KCNQ5: variants seen among roughly 807,000 people sequenced by gnomAD.
KCNQ5 encodes the protein potassium voltage-gated channel subfamily KQT member 5.
Under a neutral mutation model 98.2 loss-of-function variants are expected in KCNQ5, and 30 were observed. That is an observed-to-expected ratio of 0.31 (90% CI 0.23 to 0.41). The LOEUF (loss-of-function observed/expected upper bound fraction) is 0.41. Ranked by LOEUF, KCNQ5 falls within the 10% of genes least tolerant of loss-of-function variation. KCNQ5 has a pLI of 1.00. For synonymous variants in KCNQ5, 458 were observed against 449.4 expected, an observed-to-expected ratio of 1.02 and a Z score of -0.24; for missense variants, 835 against 1,182.5, an observed-to-expected ratio of 0.71 and a Z score of 4.31.
intron 10 of KCNQ5, among the ~76,000 whole-genome samples, chr6:73,162,195 G>A (rs1341536557): frequency 6.6e-6 from 1 of 151,920 alleles, no homozygotes; most frequent in African/African-American, 2.4e-5. Flanking sequence ...TGAAAGTGCT[G>A]GGATTACAGG....
rs543993105 is a variant in KCNQ5 at position 72,744,059 on chromosome 6, A to T, written c.398+121472A>T. Among the ~76,000 whole-genome samples the T allele has an allele frequency of 2.4e-4, 36 of 151,728 alleles. 1 individual carries two copies. The highest frequency in any genetic ancestry group is 8.2e-4 in the African/African-American group (34 of 41,518). On this transcript the variant is annotated intron_variant, in intron 1 of 13. Transcript: ENST00000370398. ...TTTCATAATCACCAGGTCAGGGAAA[A>T]GATACTGGTAAATCATGCACTGGCA...
At chr6:72,746,753 A>G (rs1771426579) in intron 1 of KCNQ5, among the ~76,000 whole-genome samples, 1 of 152,224 alleles carries the variant, frequency 6.6e-6, no homozygotes, top group South Asian at 2.1e-4. Flanking sequence ...CATTGAGGAT[A>G]ATAAATTGAG....
chr6:72,949,501 A>T (rs1456665330), intron 1 of KCNQ5, among the ~76,000 whole-genome samples: 1 of 152,094 alleles, frequency 6.6e-6, no homozygotes, highest in Non-Finnish European at 1.5e-5. Context: ...TAAATGCAAC[A>T]TTTTTCTGAG....
At chr6:72,928,159 G>T (rs550381830) in intron 1 of KCNQ5, among the ~76,000 whole-genome samples, 1 of 152,092 alleles carries the variant, frequency 6.6e-6, no homozygotes, top group Admixed American at 6.6e-5. Context: ...CTTTAACATG[G>T]GGCAGGTCCT....
chr6:73,112,831 T>A (rs924815640), intron 7 of KCNQ5, among the ~76,000 whole-genome samples: 1 of 152,174 alleles, frequency 6.6e-6, no homozygotes, highest in South Asian at 2.1e-4. Context: ...TCTGTTTATA[T>A]CTAATCATTA....
rs1774955368 is a variant in KCNQ5 at position 73,105,248 on chromosome 6, T to G, written c.919-9T>G. The G allele has an allele frequency of 6.5e-7, 1 of 1,530,330 alleles. No individual in the cohort carries two copies. The highest frequency in any genetic ancestry group is 9.0e-7 in the Non-Finnish European group (1 of 1,110,590). 94.8% of individuals were successfully genotyped at this position (1,530,330 alleles called of 1,614,324 possible). ...CTTAAGCTGCACATTCTATTTATTT[T>G]GTTTCTAGATTACATTGACAACTAT... On this transcript the variant is annotated splice_polypyrimidine_tract_variant and intron_variant, in intron 5 of 13. Coordinates refer to ENST00000370398, the MANE Select transcript of KCNQ5 (RefSeq NM_019842.4).
intron 5 of KCNQ5, among the ~76,000 whole-genome samples, chr6:73,078,655 G>T (rs1773636367): frequency 1.3e-5 from 2 of 152,180 alleles, no homozygotes; most frequent in African/African-American, 4.8e-5. Context: ...GTGTGGGAGG[G>T]AAGTCAGTTC....
chr6:72,866,008 T>C (rs1562034021), intron 1 of KCNQ5, among the ~76,000 whole-genome samples: 1 of 152,206 alleles, frequency 6.6e-6, no homozygotes, highest in Non-Finnish European at 1.5e-5. Context: ...CTTTACATTA[T>C]GTAATCTCAA....
At chr6:73,139,322 A>G (rs530477356) in intron 10 of KCNQ5, among the ~76,000 whole-genome samples, 38 of 152,300 alleles carry the variant, frequency 2.5e-4, no homozygotes, top group African/African-American at 6.5e-4. Flanking sequence ...CAGCAGCTGG[A>G]TCTCGGCCAG....
In KCNQ5 at chr6:72,718,454, T is replaced by C. The variant is rs1490127684; in HGVS notation, c.398+95867T>C. Reference sequence around the variant, plus strand: ...ATTCTTCCTTTCTGCTCTTTTTTTTTTTTTTTTTTTTTTTTTTGACAGAGT... The same window carrying C: ...ATTCTTCCTTTCTGCTCTTTTTTTTCTTTTTTTTTTTTTTTTTGACAGAGT... On this transcript the variant is annotated intron_variant, in intron 1 of 13. Transcript: ENST00000370398. Among the ~76,000 whole-genome samples the C allele has an allele frequency of 2.9e-5, 4 of 136,864 alleles. No individual in the cohort carries two copies. The East Asian group carries it at 6.2e-4, about 21-fold the overall frequency. 89.8% of individuals were successfully genotyped at this position (136,864 alleles called of 152,430 possible). A position where few individuals can be genotyped will look rare whatever the true frequency, so the allele number is the denominator to read the frequency against.
intron 1 of KCNQ5, among the ~76,000 whole-genome samples, chr6:72,934,716 G>C (rs979042780): frequency 2.6e-5 from 4 of 152,130 alleles, no homozygotes; most frequent in African/African-American, 9.7e-5. Flanking sequence ...ACTCCATCTT[G>C]GTAACAGGAG....
intron 1 of KCNQ5, among the ~76,000 whole-genome samples, chr6:72,733,315 A>G (rs1401026708): frequency 6.6e-6 from 1 of 152,210 alleles, no homozygotes; most frequent in Non-Finnish European, 1.5e-5. Flanking sequence ...AGAAGTAAAG[A>G]AAAACACTTC....
chr6:73,027,741 A>G (rs375496658), intron 2 of KCNQ5, among the ~76,000 whole-genome samples: 45 of 152,320 alleles, frequency 3.0e-4, no homozygotes, highest in African/African-American at 1.1e-3. Flanking sequence ...AAATAATACA[A>G]AAATAAGCAT....
chr6:72,623,568 T>C (rs1036485659), intron 1 of KCNQ5, among the ~76,000 whole-genome samples: 11 of 152,184 alleles, frequency 7.2e-5, no homozygotes, highest in Non-Finnish European at 1.3e-4. Context: ...ATTCATTCAG[T>C]CTCCTATTAG....
intron 1 of KCNQ5, among the ~76,000 whole-genome samples, chr6:72,756,059 C>T (rs1259112950): frequency 6.6e-6 from 1 of 152,138 alleles, no homozygotes; most frequent in South Asian, 2.1e-4. Context: ...GGGTGGAGTT[C>T]CTAGATATTT....
intron 1 of KCNQ5, among the ~76,000 whole-genome samples, chr6:72,810,225 A>G (rs1423872251): frequency 6.6e-6 from 1 of 152,172 alleles, no homozygotes; most frequent in African/African-American, 2.4e-5. Context: ...TCAGGAAAAT[A>G]TGTTGGTTGA....
At chr6:72,755,919 G>A (rs1486521613) in intron 1 of KCNQ5, among the ~76,000 whole-genome samples, 2 of 152,084 alleles carry the variant, frequency 1.3e-5, no homozygotes, top group African/African-American at 4.8e-5. Context: ...TCCTCCAGCA[G>A]CAGGCAGTCA....
At chr6:72,835,264 C>T (rs552706459) in intron 1 of KCNQ5, among the ~76,000 whole-genome samples, 51 of 152,210 alleles carry the variant, frequency 3.4e-4, no homozygotes, top group African/African-American at 1.2e-3. Flanking sequence ...CAACATTACA[C>T]GCTCAATTAA....
intron 1 of KCNQ5, among the ~76,000 whole-genome samples, chr6:72,701,097 G>T (rs540003652): frequency 5.0e-4 from 76 of 152,272 alleles, no homozygotes; most frequent in African/African-American, 1.7e-3. Context: ...ATTTCTAGTA[G>T]CTTGAATTAC....
Sources: allele counts gnomAD v4.1 joint callset (sites outside exome capture counted in the v4.1 genomes callset), GRCh38; gene constraint gnomAD v4.1.1; transcripts MANE v1.5; gene names NCBI Gene and HGNC (gene_info 2026-07-23, HGNC 2026-07-21).